The following MKNK1 variants were observed in gnomAD, a reference collection of about 807,000 sequenced individuals.
The protein encoded by MKNK1 is MAPK interacting serine/threonine kinase 1.
MKNK1 carries 30 observed loss-of-function variants against 49.3 expected under a neutral mutation model. That is an observed-to-expected ratio of 0.61 (90% confidence interval 0.46 to 0.83). The LOEUF (loss-of-function observed/expected upper bound fraction) is 0.83, where lower values mean the gene tolerates loss of function less well. Among genes scored for constraint, MKNK1 ranks in the 40% least tolerant of loss-of-function variants. The pLI is 0.00. For missense variants in MKNK1, 423 were observed against 524.7 expected (o/e 0.81, Z 1.89); for synonymous variants, 176 against 201.7 (o/e 0.87, Z 1.08).
chr1:46,595,781 T>C (rs533279189), intron 1 of MKNK1, among the ~76,000 whole-genome samples: 2 of 152,244 alleles, frequency 1.3e-5, no homozygotes, highest in Non-Finnish European at 2.9e-5. Flanking sequence ...CGACAGGATC[T>C]GGCTCCATTA....
chr1:46,578,256 C>T (rs1229987581), intron 4 of MKNK1, among the ~76,000 whole-genome samples: 1 of 152,176 alleles, frequency 6.6e-6, no homozygotes, highest in Non-Finnish European at 1.5e-5. Context: ...CCATCCCAAC[C>T]TTGAGAGTCT....
rs1668279544 is a variant in MKNK1 at position 46,562,835 on chromosome 1, A to C, written c.618T>G (p.Ser206=). The change falls in exon 10 of 13, where the codon TCT becomes TCG. Residue 206 remains serine, a synonymous_variant. Transcript: ENST00000371945. ...TTPELTTPCG[S]AEYMAPEVVE... The stretch of plus-strand genomic sequence containing the variant: ...CTACCTCAGGGGCCATGTATTCTGC[A>C]GAGCCACACTGTGGGGGCCAGGGTT... 2 of 1,609,478 alleles carry C rather than the reference A, an allele frequency of 1.2e-6. No homozygotes were observed. The highest frequency in any genetic ancestry group is 4.5e-5 in the East Asian group (2 of 44,792).
intron 10 of MKNK1, among the ~76,000 whole-genome samples, chr1:46,562,180 G>C (rs929956960): frequency 3.3e-5 from 5 of 152,050 alleles, no homozygotes; most frequent in African/African-American, 1.2e-4. Context: ...AGGATCACAA[G>C]GTCAGGAGAT....
At chr1:46,576,379 A>C in intron 5 of MKNK1, 196 bp downstream of exon 5, 15 of 549,204 alleles carry the variant, frequency 2.7e-5, no homozygotes, top group East Asian at 9.4e-5. Context: ...GTATTTCAGA[A>C]GAGATAATAG....
At chr1:46,578,827 C>CA (rs1557862954) in intron 4 of MKNK1, among the ~76,000 whole-genome samples, 2 of 150,524 alleles carry the variant, frequency 1.3e-5, no homozygotes, top group African/African-American at 4.9e-5. Context: ...GATCTCGGCT[C>CA]ACTGTGCAAC....
intron 1 of MKNK1, chr1:46,595,091 G>GATAAAGATAAAGTAGATAAAGT (rs1673888173): frequency 5.9e-6 from 1 of 168,522 alleles, no homozygotes. Flanking sequence ...AGTAGATGCT[G>GATAAAGATAAAGTAGATAAAGT]AGAGCAGGAG....
intron 11 of MKNK1, 123 bp downstream of exon 11, chr1:46,561,355 G>C: frequency 1.3e-5 from 14 of 1,100,462 alleles, no homozygotes; most frequent in Non-Finnish European, 1.7e-5. Flanking sequence ...AGGGATAGAC[G>C]CTGTCCTCTT....
intron 2 of MKNK1, among the ~76,000 whole-genome samples, chr1:46,587,739 C>A (rs1026700707): frequency 2.0e-5 from 3 of 152,152 alleles, no homozygotes; most frequent in Non-Finnish European, 4.4e-5. Flanking sequence ...ATTGCTTGAA[C>A]CCCGGAGGCG....
intron 1 of MKNK1, among the ~76,000 whole-genome samples, chr1:46,603,905 A>G (rs527857517): frequency 6.6e-6 from 1 of 152,284 alleles, no homozygotes; most frequent in African/African-American, 2.4e-5. Flanking sequence ...GCCCAGCCAT[A>G]GCCTCGGTCC....
intron 3 of MKNK1, among the ~76,000 whole-genome samples, chr1:46,582,654 C>G (rs902589166): frequency 6.6e-6 from 1 of 152,268 alleles, no homozygotes; most frequent in African/African-American, 2.4e-5. Context: ...CCAGTGATAA[C>G]AGGACCCACA....
intron 8 of MKNK1, among the ~76,000 whole-genome samples, chr1:46,567,394 A>G (rs933547186): frequency 6.6e-6 from 1 of 152,248 alleles, no homozygotes; most frequent in African/African-American, 2.4e-5. Flanking sequence ...CATAAAATGA[A>G]GGTAATAATA....
At chr1:46,567,492 TTAG>T (rs2148603517) in intron 8 of MKNK1, among the ~76,000 whole-genome samples, 1 of 152,330 alleles carries the variant, frequency 6.6e-6, no homozygotes, top group African/African-American at 2.4e-5. Context: ...ACTGTAATTA[TTAG>T]TAGTAATCAT....
intron 2 of MKNK1, among the ~76,000 whole-genome samples, chr1:46,592,783 T>C (rs567465656): frequency 1.3e-5 from 2 of 152,314 alleles, no homozygotes; most frequent in East Asian, 1.9e-4. Context: ...CAGTGTTTAA[T>C]TCCTCTGTAT....
intron 2 of MKNK1, chr1:46,585,961 A>G (rs770466592): frequency 7.3e-7 from 1 of 1,362,940 alleles, no homozygotes; most frequent in Non-Finnish European, 9.8e-7. Context: ...GAACTTGGAG[A>G]GTTGTTTCTG....
intron 1 of MKNK1, among the ~76,000 whole-genome samples, chr1:46,601,177 A>G (rs1200456294): frequency 6.6e-6 from 1 of 152,234 alleles, no homozygotes; most frequent in Non-Finnish European, 1.5e-5. Context: ...TCGGCCTCCC[A>G]AAGTGCTGGG....
intron 11 of MKNK1, among the ~76,000 whole-genome samples, chr1:46,560,881 T>G (rs2148541580): frequency 6.6e-6 from 1 of 152,314 alleles, no homozygotes. Context: ...GGCCAGAGCC[T>G]GGCACACCAA....
At chr1:46,578,511 C>T (rs578079908) in intron 4 of MKNK1, among the ~76,000 whole-genome samples, 59 of 152,188 alleles carry the variant, frequency 3.9e-4, no homozygotes, top group African/African-American at 1.4e-3. Context: ...ATATACCTCT[C>T]ATCCATAAAT....
chr1:46,594,058 T>C, intron 2 of MKNK1, 55 bp downstream of exon 2: 1 of 1,371,608 alleles, frequency 7.3e-7, no homozygotes. Flanking sequence ...ATGTATCAGA[T>C]CATTTCAATT....
chr1:46,581,686 T>C (rs964862712), intron 3 of MKNK1, among the ~76,000 whole-genome samples: 1 of 152,162 alleles, frequency 6.6e-6, no homozygotes, highest in Non-Finnish European at 1.5e-5. Context: ...TTCTATTTTA[T>C]ACCCCATACA....
Sources: allele counts gnomAD v4.1 joint callset (sites outside exome capture counted in the v4.1 genomes callset), GRCh38; gene constraint gnomAD v4.1.1; transcripts MANE v1.5; gene names NCBI Gene and HGNC (gene_info 2026-07-23, HGNC 2026-07-21).